NTN1: variants seen among roughly 807,000 people sequenced by gnomAD.
NTN1 encodes the protein netrin 1.
A neutral mutation model predicts 54.2 loss-of-function variants in NTN1; 11 were observed. That is an observed-to-expected ratio of 0.20 (90% CI 0.13 to 0.34). The LOEUF is 0.34. Among genes scored for constraint, NTN1 ranks in the 10% least tolerant of loss-of-function variants. The pLI is 1.00. For missense variants in NTN1, 740 were observed against 893.1 expected (o/e 0.83, Z 2.18); for synonymous variants, 371 against 382.0 (o/e 0.97, Z 0.33).
chr17:9,029,893 G>A (rs774585678), intron 2 of NTN1, among the ~76,000 whole-genome samples: 3 of 151,994 alleles, frequency 2.0e-5, no homozygotes, highest in Non-Finnish European at 4.4e-5. Context: ...TTGGGAGGCC[G>A]AGGCAGGAGA....
intron 2 of NTN1, among the ~76,000 whole-genome samples, chr17:9,124,799 G>A (rs900448019): frequency 4.6e-5 from 7 of 152,128 alleles, no homozygotes; most frequent in African/African-American, 1.7e-4. Context: ...GGGACATGAC[G>A]GCATCGGTTT....
chr17:9,105,232 C>G lies in NTN1; in HGVS notation c.1019-57581C>G, dbSNP rs546036270. On this transcript the variant is annotated intron_variant, in intron 2 of 6. Transcript: ENST00000173229. ...CCTGGGCCGGATTTCCAGGGCCAGCCCCCTTGGGTCAGCTTGGTCTGCTCC... is the reference window on the plus strand; with the variant it reads ...CCTGGGCCGGATTTCCAGGGCCAGCGCCCTTGGGTCAGCTTGGTCTGCTCC... Among the ~76,000 whole-genome samples, 7 of 152,298 alleles carry G rather than the reference C, an allele frequency of 4.6e-5. No homozygotes were observed. The South Asian group carries it at 1.5e-3, about 32-fold the overall frequency.
chr17:9,087,787 G>A (rs1260944299), intron 2 of NTN1, among the ~76,000 whole-genome samples: 1 of 151,224 alleles, frequency 6.6e-6, no homozygotes, highest in South Asian at 2.1e-4. Flanking sequence ...TAGCTTTCAC[G>A]AACGGCTTTC....
At chr17:9,104,989 G>A (rs1251355976) in intron 2 of NTN1, among the ~76,000 whole-genome samples, 1 of 152,228 alleles carries the variant, frequency 6.6e-6, no homozygotes, top group Admixed American at 6.5e-5. Flanking sequence ...GTGGGGCAGG[G>A]GTGGGGTGAC....
intron 2 of NTN1, among the ~76,000 whole-genome samples, chr17:9,153,153 C>T (rs2092332466): frequency 6.6e-6 from 1 of 152,122 alleles, no homozygotes; most frequent in Non-Finnish European, 1.5e-5. Flanking sequence ...CCTGTAATCC[C>T]AGCTACTCGG....
At chr17:9,164,425 G>GA (rs910590724) in intron 3 of NTN1, among the ~76,000 whole-genome samples, 79 of 128,146 alleles carry the variant, frequency 6.2e-4, no homozygotes, top group Middle Eastern at 3.9e-3. Flanking sequence ...ACACTGTCTC[G>GA]AAAAAAAAAA....
At chr17:9,123,795 C>T (rs2092237913) in intron 2 of NTN1, among the ~76,000 whole-genome samples, 1 of 152,154 alleles carries the variant, frequency 6.6e-6, no homozygotes, top group Admixed American at 6.5e-5. Context: ...CTCTTGGTTC[C>T]TATCACAGTT....
At chr17:9,129,124 A>G (rs2092255963) in intron 2 of NTN1, among the ~76,000 whole-genome samples, 2 of 152,162 alleles carry the variant, frequency 1.3e-5, no homozygotes, top group Admixed American at 1.3e-4. Context: ...GGCGAGATTA[A>G]CACCCTCAAT....
intron 2 of NTN1, among the ~76,000 whole-genome samples, chr17:9,036,138 GGC>G (rs2091902729): frequency 6.6e-6 from 1 of 152,218 alleles, no homozygotes; most frequent in East Asian, 1.9e-4. Context: ...TGGGATTACA[GGC>G]GTGAGCCACC....
rs1448616301 is a variant in NTN1 at position 9,035,170 on chromosome 17, T to G, written c.1018+11779T>G. The stretch of plus-strand genomic sequence containing the variant: ...ACTGTGTTAGCCAGGATGGTCTCGA[T>G]CTCCTGACCTTGTGATCCGCCCGCC... On this transcript the variant is annotated intron_variant, in intron 2 of 6. Transcript: ENST00000173229. Among the ~76,000 whole-genome samples, 3 of 151,924 alleles carry G rather than the reference T, an allele frequency of 2.0e-5. No homozygotes were observed. The East Asian group carries it at 5.8e-4, about 30-fold the overall frequency.
chr17:9,090,204 TCTCA>T (rs567355196), intron 2 of NTN1, among the ~76,000 whole-genome samples: 170 of 148,390 alleles, frequency 1.1e-3, no homozygotes, highest in African/African-American at 4.1e-3. Context: ...TGAGATGGAG[TCTCA>T]CTCTGTCACC....
At chr17:9,087,528 C>T (rs1240704227) in intron 2 of NTN1, among the ~76,000 whole-genome samples, 1 of 152,186 alleles carries the variant, frequency 6.6e-6, no homozygotes, top group Non-Finnish European at 1.5e-5. Context: ...TCTGGTCACC[C>T]AGTGGGCAGT....
chr17:9,115,252 C>T (rs1179410708), intron 2 of NTN1, among the ~76,000 whole-genome samples: 3 of 152,222 alleles, frequency 2.0e-5, no homozygotes, highest in Non-Finnish European at 4.4e-5. Context: ...TCAGTAAGTT[C>T]AAGCCTTTGA....
At chr17:9,210,169 G>A (rs1034928968) in intron 5 of NTN1, among the ~76,000 whole-genome samples, 1 of 152,038 alleles carries the variant, frequency 6.6e-6, no homozygotes, top group African/African-American at 2.4e-5. Flanking sequence ...TCCAGTCCCT[G>A]AACCATGCCG....
chr17:9,164,382 G>A (rs778000310), intron 3 of NTN1, among the ~76,000 whole-genome samples: 8 of 150,798 alleles, frequency 5.3e-5, no homozygotes, highest in Non-Finnish European at 1.0e-4. Context: ...CCAAGATCGC[G>A]CCACCGCACT....
chr17:9,139,873 C>T (rs1014610900), intron 2 of NTN1, among the ~76,000 whole-genome samples: 1 of 151,032 alleles, frequency 6.6e-6, no homozygotes, highest in African/African-American at 2.5e-5. Flanking sequence ...TCCATCGATT[C>T]CTCCATCATT....
At chr17:9,032,866 C>A (rs915106180) in intron 2 of NTN1, among the ~76,000 whole-genome samples, 1 of 151,908 alleles carries the variant, frequency 6.6e-6, no homozygotes. Flanking sequence ...GGCTCAGAAC[C>A]GGGAGAGAAT....
In NTN1 at chr17:9,241,464, C is replaced by T. The variant is rs1906211195; in HGVS notation, c.*1496C>T. On this transcript the variant is annotated 3_prime_UTR_variant, in exon 7 of 7. Coordinates refer to ENST00000173229, the MANE Select transcript of NTN1 (RefSeq NM_004822.3). Reference sequence around the variant, plus strand: ...TGGGGCCTCCTGGCTCCCTGCCTTCCTGGGCTCTCTGCACTGCCCGGGCCT... The same window carrying T: ...TGGGGCCTCCTGGCTCCCTGCCTTCTTGGGCTCTCTGCACTGCCCGGGCCT... 1 of 153,294 alleles carries T rather than the reference C, an allele frequency of 6.5e-6. No individual in the cohort carries two copies. 9.5% of individuals were successfully genotyped at this position (153,294 alleles called of 1,614,324 possible).
At chr17:9,049,660 A>C (rs559008339) in intron 2 of NTN1, among the ~76,000 whole-genome samples, 92 of 152,344 alleles carry the variant, frequency 6.0e-4, no homozygotes, top group African/African-American at 2.2e-3. Context: ...AGACAAAAAG[A>C]GACTGAGGAA....
Sources: gnomAD v4.1 joint callset for allele counts (sites outside exome capture counted in the v4.1 genomes callset) on GRCh38, gnomAD v4.1.1 for gene constraint, MANE v1.5 for transcripts, NCBI Gene and HGNC (gene_info 2026-07-23, HGNC 2026-07-21) for gene names.